Variants in EFCAB6 observed in about 807,000 individuals in gnomAD.
EFCAB6 encodes EF-hand calcium binding domain 6.
In EFCAB6, 156 loss-of-function variants were observed where a neutral mutation model predicts 169.8. The observed-to-expected ratio is 0.92, with a 90% CI of 0.81 to 1.05. EFCAB6 has a LOEUF of 1.05. Among genes scored for constraint, EFCAB6 ranks in the 50% least tolerant of loss-of-function variants. The probability of loss-of-function intolerance (pLI) is 0.00; values close to 1 mark genes in which losing one functional copy is unlikely to be tolerated. For missense variants in EFCAB6, 1,800 were observed against 1,829.1 expected, an observed-to-expected ratio of 0.98 and a Z score of 0.29; for synonymous variants, 698 against 676.4, an observed-to-expected ratio of 1.03 and a Z score of -0.50.
At position 43,636,613 on chromosome 22, in the gene EFCAB6, T is replaced by TC. The variant is rs1184165136; in HGVS notation, c.1984-1398_1984-1397insG. On this transcript the variant is annotated intron_variant, in intron 17 of 31. Coordinates refer to ENST00000262726, the MANE Select transcript of EFCAB6 (RefSeq NM_022785.4). The stretch of plus-strand genomic sequence containing the variant: ...GGGTTCAAACCCAGTTCTTTTCTTT[T>TC]TTTTTTTTTTTTTTTGAGACAGAGT... Among the ~76,000 whole-genome samples, 676 of 148,112 alleles carry TC rather than the reference T, an allele frequency of 4.6e-3. 4 individuals are homozygous for TC. The highest frequency in any genetic ancestry group is 0.016 in the African/African-American group (634 of 40,264).
chr22:43,769,155 TACTC>T lies in EFCAB6; in HGVS notation c.351+3733_351+3736del, dbSNP rs368785920. ...GTGGTCTATCCATACAATGGACTAT[TACTC>T]AGCCATAAAAAGGAATGAGGTACAA... On this transcript the variant is annotated intron_variant, in intron 4 of 31. Coordinates refer to ENST00000262726, the MANE Select transcript of EFCAB6 (RefSeq NM_022785.4). Among the ~76,000 whole-genome samples the T allele has an allele frequency of 2.4e-3, 362 of 152,358 alleles. 2 individuals carry two copies. Among genetic ancestry groups the T allele is most frequent in the African/African-American group, 8.5e-3 (352 of 41,592 alleles).
At chr22:43,779,923 G>C (rs1022169892) in intron 3 of EFCAB6, among the ~76,000 whole-genome samples, 1 of 152,016 alleles carries the variant, frequency 6.6e-6, no homozygotes, top group Non-Finnish European at 1.5e-5. Context: ...ACCCAAAGTA[G>C]GTAAACAGGC....
chr22:43,666,349 A>G (rs1411554338), intron 17 of EFCAB6, among the ~76,000 whole-genome samples: 1 of 152,186 alleles, frequency 6.6e-6, no homozygotes, highest in Non-Finnish European at 1.5e-5. Context: ...GCTTAGAAAT[A>G]AGACCCATAA....
intron 26 of EFCAB6, among the ~76,000 whole-genome samples, chr22:43,556,118 TG>T (rs776814581): frequency 2.0e-5 from 3 of 151,860 alleles, no homozygotes; most frequent in Admixed American, 6.6e-5. Flanking sequence ...CTGGGGAGAC[TG>T]GGCTCCACGT....
At chr22:43,700,218 G>A (rs768580938) in intron 10 of EFCAB6, among the ~76,000 whole-genome samples, 9 of 151,910 alleles carry the variant, frequency 5.9e-5, no homozygotes, top group Non-Finnish European at 2.9e-5. Flanking sequence ...ATATTATTTC[G>A]ATCTAGATTT....
At chr22:43,599,367 G>A (rs996440736) in intron 23 of EFCAB6, among the ~76,000 whole-genome samples, 4 of 151,822 alleles carry the variant, frequency 2.6e-5, no homozygotes, top group African/African-American at 9.7e-5. Context: ...AAAATTAGCT[G>A]GTCGTGGTGG....
At chr22:43,775,723 C>T (rs577872114) in intron 3 of EFCAB6, among the ~76,000 whole-genome samples, 4 of 152,310 alleles carry the variant, frequency 2.6e-5, no homozygotes, top group South Asian at 2.1e-4. Context: ...GGATTACAGG[C>T]GTGAGCCACC....
At chr22:43,773,802 G>A (rs548218631) in intron 3 of EFCAB6, among the ~76,000 whole-genome samples, 7 of 152,196 alleles carry the variant, frequency 4.6e-5, no homozygotes, top group Non-Finnish European at 1.0e-4. Context: ...AGCTGGCATC[G>A]TGCCATTGCA....
At chr22:43,685,736 G>A (rs995736381) in intron 11 of EFCAB6, among the ~76,000 whole-genome samples, 2 of 152,074 alleles carry the variant, frequency 1.3e-5, no homozygotes, top group Non-Finnish European at 2.9e-5. Flanking sequence ...GGGTGCATGC[G>A]ATTACCCACC....
chr22:43,631,461 G>T (rs765319947), intron 19 of EFCAB6, among the ~76,000 whole-genome samples: 1 of 151,902 alleles, frequency 6.6e-6, no homozygotes, highest in Non-Finnish European at 1.5e-5. Flanking sequence ...CATCTGTCCC[G>T]GCCTGGCTCA....
chr22:43,772,003 C>T (rs779746333), intron 4 of EFCAB6, among the ~76,000 whole-genome samples: 10 of 152,146 alleles, frequency 6.6e-5, no homozygotes, highest in Non-Finnish European at 1.2e-4. Context: ...CCTCTCATCT[C>T]GAGAATACTC....
At chr22:43,811,430 T>G in intron 1 of EFCAB6, among the ~76,000 whole-genome samples, 1 of 150,442 alleles carries the variant, frequency 6.6e-6, no homozygotes, top group African/African-American at 2.5e-5. Flanking sequence ...AAAAGAAGAG[T>G]CCTCTTAACA....
intron 17 of EFCAB6, among the ~76,000 whole-genome samples, chr22:43,657,866 A>T (rs571560946): frequency 6.6e-6 from 1 of 152,330 alleles, no homozygotes; most frequent in South Asian, 2.1e-4. Flanking sequence ...TCTGGATAGG[A>T]TGGAGCAAGC....
Position 43,765,089 on chromosome 22 carries a change from A to G in EFCAB6, c.440+216T>C, listed in dbSNP as rs1042452252. 2.0e-5 allele frequency among the ~76,000 whole-genome samples: 3 copies of G among 152,252 alleles called. No individual in the cohort carries two copies. The East Asian group carries it at 5.8e-4, about 29-fold the overall frequency. ...TGTGTTTACATTTTATTACAGTATC[A>G]TTCCTCTTGTTTTGAAATACATCCT... On this transcript the variant is annotated intron_variant, in intron 5 of 31. Transcript: ENST00000262726.
intron 3 of EFCAB6, among the ~76,000 whole-genome samples, chr22:43,775,311 A>T (rs913453840): frequency 1.1e-4 from 17 of 152,166 alleles, no homozygotes; most frequent in African/African-American, 4.1e-4. Context: ...TCCTCCCTGC[A>T]AAAGTGGGCA....
chr22:43,764,889 T>C (rs2061278366), intron 5 of EFCAB6, among the ~76,000 whole-genome samples: 3 of 150,108 alleles, frequency 2.0e-5, no homozygotes, highest in Admixed American at 1.3e-4. Flanking sequence ...AAAGATCTTT[T>C]TTTATTATTT....
intron 6 of EFCAB6, among the ~76,000 whole-genome samples, chr22:43,753,513 C>A (rs1403916056): frequency 2.0e-5 from 3 of 152,146 alleles, no homozygotes; most frequent in South Asian, 4.1e-4. Flanking sequence ...GACACAGTCA[C>A]CAAGGATGGA....
At chr22:43,698,045 C>T (rs900555890) in intron 10 of EFCAB6, among the ~76,000 whole-genome samples, 56 of 152,238 alleles carry the variant, frequency 3.7e-4, no homozygotes, top group Middle Eastern at 3.4e-3. Flanking sequence ...TGAAGAACAC[C>T]CTGCAATATA....
chr22:43,747,531 A>G (rs2060608459), intron 6 of EFCAB6, among the ~76,000 whole-genome samples: 2 of 152,166 alleles, frequency 1.3e-5, no homozygotes, highest in Admixed American at 1.3e-4. Flanking sequence ...AACAATGTAG[A>G]ATATGTTGCA....
Sources: gnomAD v4.1 joint callset for allele counts (sites outside exome capture counted in the v4.1 genomes callset) on GRCh38, gnomAD v4.1.1 for gene constraint, MANE v1.5 for transcripts, NCBI Gene and HGNC (gene_info 2026-07-23, HGNC 2026-07-21) for gene names.